ATP11B: variants seen among roughly 807,000 people sequenced by gnomAD.
The protein encoded by ATP11B is ATPase phospholipid transporting 11B (putative).
In ATP11B, 81 loss-of-function variants were observed where a neutral mutation model predicts 157.8. That is an observed-to-expected ratio of 0.51 (90% CI 0.43 to 0.62). The LOEUF is 0.62. ATP11B is among the 20% of genes least tolerant of loss of function. The pLI is 0.00. For synonymous variants in ATP11B, 451 were observed against 469.4 expected, an observed-to-expected ratio of 0.96 and a Z score of 0.51; for missense variants, 1,165 against 1,402.2, an observed-to-expected ratio of 0.83 and a Z score of 2.70.
intron 1 of ATP11B, among the ~76,000 whole-genome samples, chr3:182,815,558 GA>G (rs1716921297): frequency 6.6e-6 from 1 of 152,024 alleles, no homozygotes; most frequent in Non-Finnish European, 1.5e-5. Context: ...TTTCTGTCAT[GA>G]ATGTGATCTA....
intron 2 of ATP11B, among the ~76,000 whole-genome samples, chr3:182,821,320 G>A (rs1717329532): frequency 1.3e-5 from 2 of 152,028 alleles, no homozygotes; most frequent in African/African-American, 4.8e-5. Context: ...CCTTGGCCAG[G>A]CTGGTCTTGA....
At chr3:182,862,997 G>C (rs1212280580) in intron 12 of ATP11B, among the ~76,000 whole-genome samples, 1 of 151,624 alleles carries the variant, frequency 6.6e-6, no homozygotes, top group African/African-American at 2.4e-5. Context: ...CTCACTGCAA[G>C]CTCCGCCTCC....
chr3:182,796,913 A>G (rs973436204), intron 1 of ATP11B, among the ~76,000 whole-genome samples: 2 of 152,238 alleles, frequency 1.3e-5, no homozygotes, highest in African/African-American at 2.4e-5. Context: ...AAACTGTTCC[A>G]TAAATGTAAT....
intron 19 of ATP11B, among the ~76,000 whole-genome samples, chr3:182,878,562 A>G (rs1283833242): frequency 6.6e-6 from 1 of 152,248 alleles, no homozygotes; most frequent in Non-Finnish European, 1.5e-5. Flanking sequence ...GTTGATTTAC[A>G]TTCTGGTGTA....
chr3:182,799,181 A>G (rs1452935195), intron 1 of ATP11B, among the ~76,000 whole-genome samples: 10 of 152,220 alleles, frequency 6.6e-5, no homozygotes, highest in African/African-American at 2.4e-4. Flanking sequence ...GAAATAATTT[A>G]TCAAGTCAAC....
chr3:182,799,713 G>A (rs1715863222), intron 1 of ATP11B, among the ~76,000 whole-genome samples: 1 of 152,072 alleles, frequency 6.6e-6, no homozygotes, highest in Non-Finnish European at 1.5e-5. Flanking sequence ...ATATCAAAAT[G>A]AAACTCAAGA....
intron 14 of ATP11B, among the ~76,000 whole-genome samples, chr3:182,866,914 A>G (rs1365842717): frequency 8.0e-6 from 1 of 125,668 alleles, no homozygotes; most frequent in Non-Finnish European, 1.8e-5. Context: ...ATAAGAATAT[A>G]TATAAAATAT....
chr3:182,838,785 T>TTA (rs757823857), intron 7 of ATP11B, among the ~76,000 whole-genome samples: 3,561 of 145,012 alleles, frequency 0.025, 125 homozygotes, highest in African/African-American at 0.081. Flanking sequence ...GTGCTATATA[T>TTA]TATATATATA....
chr3:182,837,972 G>A (rs1403267725), intron 7 of ATP11B, among the ~76,000 whole-genome samples: 1 of 152,050 alleles, frequency 6.6e-6, no homozygotes, highest in Admixed American at 6.6e-5. Flanking sequence ...AATAAGTGGT[G>A]GTAGACTATA....
intron 12 of ATP11B, 49 bp downstream of exon 12, chr3:182,859,408 A>G: frequency 6.9e-7 from 1 of 1,445,476 alleles, no homozygotes; most frequent in Non-Finnish European, 9.3e-7. Context: ...ATTTTTATCA[A>G]AGCAATACAT....
chr3:182,839,216 G>C (rs1469734638), intron 7 of ATP11B, among the ~76,000 whole-genome samples: 1 of 152,200 alleles, frequency 6.6e-6, no homozygotes, highest in Non-Finnish European at 1.5e-5. Context: ...TTACTTATAA[G>C]TGGGAGCTAA....
At chr3:182,808,154 A>G (rs777148437) in intron 1 of ATP11B, among the ~76,000 whole-genome samples, 1 of 152,194 alleles carries the variant, frequency 6.6e-6, no homozygotes, top group Admixed American at 6.5e-5. Flanking sequence ...CATCTCCTGA[A>G]CTACAAGGGG....
At chr3:182,872,004 A>G (rs1170362413) in intron 17 of ATP11B, among the ~76,000 whole-genome samples, 1 of 151,964 alleles carries the variant, frequency 6.6e-6, no homozygotes, top group East Asian at 1.9e-4. Flanking sequence ...TTTAGTAGAG[A>G]CTGGGTTTCA....
At chr3:182,890,085 A>C (rs1442758358) in intron 25 of ATP11B, among the ~76,000 whole-genome samples, 1 of 152,212 alleles carries the variant, frequency 6.6e-6, no homozygotes, top group Non-Finnish European at 1.5e-5. Context: ...TTACTGTTTA[A>C]TTTGGCCACT....
At chr3:182,917,246 C>T in intron 29 of ATP11B, 12 of 985,304 alleles carry the variant, frequency 1.2e-5, no homozygotes, top group Non-Finnish European at 1.3e-5. Flanking sequence ...TGTTTAGTCT[C>T]ATAAGAAAAG....
At chr3:182,903,704 C>G (rs964689875) in intron 28 of ATP11B, among the ~76,000 whole-genome samples, 5 of 152,146 alleles carry the variant, frequency 3.3e-5, no homozygotes, top group Admixed American at 1.3e-4. Context: ...TCACTTTTGT[C>G]TGAGCCAAAT....
At chr3:182,823,142 G>A (rs192461022) in intron 2 of ATP11B, among the ~76,000 whole-genome samples, 24 of 152,188 alleles carry the variant, frequency 1.6e-4, no homozygotes, top group African/African-American at 5.8e-4. Context: ...GTCAATTTTG[G>A]CTTTTGTTGC....
chr3:182,811,975 T>C (rs563885984), intron 1 of ATP11B, among the ~76,000 whole-genome samples: 4 of 152,336 alleles, frequency 2.6e-5, no homozygotes, highest in Non-Finnish European at 5.9e-5. Context: ...GAAAACAGGT[T>C]TCCAGCGTGT....
chr3:182,917,337 G>T, intron 29 of ATP11B: 1 of 985,310 alleles, frequency 1.0e-6, no homozygotes, highest in South Asian at 4.7e-5. Flanking sequence ...TTTTGGTCTT[G>T]AGTTATTTTA....
Sources: gnomAD v4.1 joint callset for allele counts (sites outside exome capture counted in the v4.1 genomes callset) on GRCh38, gnomAD v4.1.1 for gene constraint, MANE v1.5 for transcripts, NCBI Gene and HGNC (gene_info 2026-07-23, HGNC 2026-07-21) for gene names.